NIPAL1: variants seen among roughly 807,000 people sequenced by gnomAD.
NIPAL1 encodes the protein NIPA like domain containing 1.
In NIPAL1, 35 loss-of-function variants were observed where a neutral mutation model predicts 37.7. The ratio of observed to expected loss-of-function variants is 0.93; its 90% confidence interval spans 0.71 to 1.23. The LOEUF (loss-of-function observed/expected upper bound fraction) is 1.23. Among genes scored for constraint, NIPAL1 ranks in the 50% most tolerant of loss-of-function variants. NIPAL1 has a pLI of 0.00. For missense variants in NIPAL1, 412 were observed against 473.9 expected (o/e 0.87, Z 1.21); for synonymous variants, 162 against 183.0 (o/e 0.89, Z 0.93).
At chr4:48,019,706 G>A (rs1715529494) in intron 1 of NIPAL1, among the ~76,000 whole-genome samples, 1 of 152,220 alleles carries the variant, frequency 6.6e-6, no homozygotes, top group African/African-American at 2.4e-5. Context: ...GGGCCTTATA[G>A]GCTATAGTGG....
chr4:48,035,106 T>A, intron 5 of NIPAL1, 65 bp downstream of exon 5: 1 of 1,291,510 alleles, frequency 7.7e-7, no homozygotes, highest in Non-Finnish European at 1.1e-6. Flanking sequence ...CCAAATAGTA[T>A]CTGTAATAAT....
chr4:48,025,061 T>A lies in NIPAL1; in HGVS notation c.47-7T>A. 1 of 1,611,570 alleles carries A rather than the reference T, an allele frequency of 6.2e-7. No homozygotes were observed. The highest frequency in any genetic ancestry group is 1.1e-5 in the South Asian group (1 of 90,692). ...TTCCTGACATTCTCTTCTTTCCTTT[T>A]TTCCAGGATATGTGCTGTCTCTGGT... is the stretch of plus-strand genomic sequence containing the variant. On this transcript the variant is annotated splice_region_variant and splice_polypyrimidine_tract_variant and intron_variant, in intron 1 of 5. Transcript: ENST00000295461.
chr4:48,034,481 G>A (rs973213985), intron 4 of NIPAL1, among the ~76,000 whole-genome samples: 2 of 152,178 alleles, frequency 1.3e-5, no homozygotes, highest in African/African-American at 4.8e-5. Flanking sequence ...CCTGAGCAGA[G>A]TAATTTTTCT....
At chr4:48,022,466 T>C (rs1715594146) in intron 1 of NIPAL1, among the ~76,000 whole-genome samples, 1 of 152,230 alleles carries the variant, frequency 6.6e-6, no homozygotes, top group Non-Finnish European at 1.5e-5. Flanking sequence ...TATGACCCTC[T>C]GCTCCCACAC....
Position 48,035,634 on chromosome 4 carries a change from G to T in NIPAL1, c.695G>T (p.Gly232Val). The change falls in exon 6 of 6, where the codon GGA (glycine) becomes GTA (valine). Residue 232 changes from glycine (G) to valine (V), a missense_variant. Coordinates refer to ENST00000295461, the MANE Select transcript of NIPAL1 (RefSeq NM_207330.3). ...ATTTTGATTGTGGCTCCCAAGAAAG[G>T]ACAGACCAATATATTGGTTTATATT... is the stretch of plus-strand genomic sequence containing the variant. Reference protein sequence around the residue: ...VLILIVAPKKGQTNILVYISI... With the variant: ...VLILIVAPKKVQTNILVYISI... 1 of 1,613,622 alleles carries T rather than the reference G, an allele frequency of 6.2e-7. No homozygotes were observed.
Position 48,036,378 on chromosome 4 carries a change from A to G in NIPAL1, c.*206A>G. ...CTCCAGAATCTCTACAAACTTTGAA[A>G]TACTCTCTAAGGATCAAAGAAGTCA... On this transcript the variant is annotated 3_prime_UTR_variant, in exon 6 of 6. Coordinates refer to ENST00000295461, the MANE Select transcript of NIPAL1 (RefSeq NM_207330.3). 1.9e-5 allele frequency: 10 copies of G among 522,108 alleles called. No individual in the cohort carries two copies. The South Asian group carries it at 2.5e-4, about 13-fold the overall frequency. 32.3% of individuals were successfully genotyped at this position (522,108 alleles called of 1,614,324 possible). A position where few individuals can be genotyped will look rare whatever the true frequency, so the allele number is the denominator to read the frequency against.
At chr4:48,028,754 A>T (rs916085155) in intron 2 of NIPAL1, among the ~76,000 whole-genome samples, 1 of 152,176 alleles carries the variant, frequency 6.6e-6, no homozygotes, top group African/African-American at 2.4e-5. Flanking sequence ...AAAAGTGGGT[A>T]AAGGATATGA....
In NIPAL1 at chr4:48,037,366, A is replaced by AAAG; in HGVS notation, c.*1194_*1195insAAG. On this transcript the variant is annotated 3_prime_UTR_variant, in exon 6 of 6. Coordinates refer to ENST00000295461, the MANE Select transcript of NIPAL1 (RefSeq NM_207330.3). ...GGTGAATTCAGCTTTGGAGTCACTTATGTTCATTTTTTTTCCTTTTCTTTT... is the reference window on the plus strand; with the variant it reads ...GGTGAATTCAGCTTTGGAGTCACTTAAAGTGTTCATTTTTTTTCCTTTTCTTTT... 3.1e-6 allele frequency: 1 copy of AAAG among 326,006 alleles called. No individual in the cohort carries two copies. The highest frequency in any genetic ancestry group is 6.1e-6 in the Non-Finnish European group (1 of 164,256). The allele number at this position is 326,006 out of a possible 1,614,324, so 20.2% of individuals were successfully genotyped here.
At chr4:48,031,983 C>G (rs1364263734) in intron 3 of NIPAL1, among the ~76,000 whole-genome samples, 1 of 152,218 alleles carries the variant, frequency 6.6e-6, no homozygotes, top group Non-Finnish European at 1.5e-5. Flanking sequence ...AAGTGATCTT[C>G]TCCCCTCTGC....
chr4:48,018,692 A>G (rs1198146561), intron 1 of NIPAL1, among the ~76,000 whole-genome samples: 1 of 152,180 alleles, frequency 6.6e-6, no homozygotes, highest in Admixed American at 6.5e-5. Flanking sequence ...CAAGAGTCCC[A>G]TGTGCCAAGC....
At chr4:48,017,265 C>T (rs1715443897) in intron 1 of NIPAL1, among the ~76,000 whole-genome samples, 1 of 152,192 alleles carries the variant, frequency 6.6e-6, no homozygotes, top group South Asian at 2.1e-4. Flanking sequence ...CCAGAGTCTG[C>T]GGCCGACGTC....
chr4:48,032,992 G>T lies in NIPAL1; in HGVS notation c.371-1G>T. The T allele has an allele frequency of 6.2e-7, 1 of 1,610,284 alleles. No individual in the cohort carries two copies. Among genetic ancestry groups the T allele is most frequent in the Non-Finnish European group, 8.5e-7 (1 of 1,177,006 alleles). On this transcript the variant is annotated splice_acceptor_variant, in intron 3 of 5. Transcript: ENST00000295461. LOFTEE classifies it high-confidence loss of function. ...TATCAATATCTCTGCTTGCTTTCTA[G>T]TGGGAGCAGGAGAGGCTGCAAATTT...
rs1445542139 is a variant in NIPAL1 at position 48,039,018 on chromosome 4, C to G, written c.*2846C>G. The G allele has an allele frequency of 6.6e-6, 1 of 150,812 alleles. No individual in the cohort carries two copies. Among genetic ancestry groups the G allele is most frequent in the African/African-American group, 2.5e-5 (1 of 40,668 alleles). The allele number at this position is 150,812 out of a possible 1,614,324, so 9.3% of individuals were successfully genotyped here. ...TACATAAAAGTTACTGATGCACATGCATTAAAAAAAAAAATGTTGTTGCAA... is the reference window on the plus strand; with the variant it reads ...TACATAAAAGTTACTGATGCACATGGATTAAAAAAAAAAATGTTGTTGCAA... On this transcript the variant is annotated 3_prime_UTR_variant, in exon 6 of 6. Transcript: ENST00000295461.
chr4:48,018,608 C>T (rs1039316361), intron 1 of NIPAL1, among the ~76,000 whole-genome samples: 2 of 152,162 alleles, frequency 1.3e-5, no homozygotes, highest in African/African-American at 2.4e-5. Context: ...GGTGGGATTA[C>T]ATATGAACTA....
intron 2 of NIPAL1, among the ~76,000 whole-genome samples, chr4:48,028,824 T>TA (rs1354680939): frequency 2.0e-5 from 3 of 152,292 alleles, no homozygotes; most frequent in Admixed American, 2.0e-4. Flanking sequence ...ATCCTCAGTG[T>TA]AACTAATCAC....
chr4:48,035,184 A>G (rs1340435356), intron 5 of NIPAL1, 143 bp downstream of exon 5: 4 of 719,166 alleles, frequency 5.6e-6, no homozygotes, highest in African/African-American at 1.8e-5. Context: ...TTTGATTATT[A>G]TTTCTCCTGA....
At chr4:48,017,309 G>A (rs1177626417) in intron 1 of NIPAL1, among the ~76,000 whole-genome samples, 1 of 152,206 alleles carries the variant, frequency 6.6e-6, no homozygotes, top group Non-Finnish European at 1.5e-5. Context: ...TGCCTGGGGG[G>A]CCCGTGGGAG....
intron 1 of NIPAL1, among the ~76,000 whole-genome samples, chr4:48,024,345 C>T (rs905923944): frequency 1.8e-4 from 12 of 67,476 alleles, no homozygotes; most frequent in East Asian, 4.2e-4. Flanking sequence ...GTGGTGTGAT[C>T]GCAGCTCGCT....
At chr4:48,022,463 C>T (rs1333029201) in intron 1 of NIPAL1, among the ~76,000 whole-genome samples, 2 of 152,172 alleles carry the variant, frequency 1.3e-5, no homozygotes, top group African/African-American at 4.8e-5. Flanking sequence ...CCTTATGACC[C>T]TCTGCTCCCA....
Sources: allele counts gnomAD v4.1 joint callset (sites outside exome capture counted in the v4.1 genomes callset), GRCh38; gene constraint gnomAD v4.1.1; transcripts MANE v1.5; gene names NCBI Gene and HGNC (gene_info 2026-07-23, HGNC 2026-07-21).